Variants in CCDC117 observed in about 807,000 individuals in gnomAD.
CCDC117 encodes coiled-coil domain-containing protein 117.
A neutral mutation model predicts 23.5 loss-of-function variants in CCDC117; 1 was observed. That is an observed-to-expected ratio of 0.04 (90% CI 0.02 to 0.20). CCDC117 has a LOEUF of 0.20. Among genes scored for constraint, CCDC117 ranks in the 10% least tolerant of loss-of-function variants. The probability of loss-of-function intolerance (pLI) is 1.00; values close to 1 mark genes in which losing one functional copy is unlikely to be tolerated. For synonymous variants in CCDC117, 132 were observed against 124.8 expected (o/e 1.06, Z -0.39); for missense variants, 383 against 348.2 (o/e 1.10, Z -0.80).
intron 2 of CCDC117, among the ~76,000 whole-genome samples, chr22:28,774,978 T>C (rs1310783147): frequency 6.6e-6 from 1 of 152,024 alleles, no homozygotes; most frequent in East Asian, 1.9e-4. Flanking sequence ...AATAGTTGAG[T>C]GGAGGCCAGG....
intron 4 of CCDC117, among the ~76,000 whole-genome samples, chr22:28,784,506 CCAGT>C (rs892181266): frequency 1.3e-5 from 2 of 152,190 alleles, no homozygotes; most frequent in Non-Finnish European, 2.9e-5. Flanking sequence ...TCTTAGGACA[CCAGT>C]CAGTGAGGGC....
chr22:28,778,640 C>T (rs1433677908), intron 2 of CCDC117, among the ~76,000 whole-genome samples: 2 of 151,964 alleles, frequency 1.3e-5, no homozygotes, highest in Non-Finnish European at 2.9e-5. Flanking sequence ...TTATCTTTTG[C>T]GGTTCTCTCT....
Position 28,772,781 on chromosome 22 carries a change from G to A in CCDC117, c.-69G>A. 8.4e-7 allele frequency: 1 copy of A among 1,184,402 alleles called. No homozygotes were observed. The highest frequency in any genetic ancestry group is 1.1e-6 in the Non-Finnish European group (1 of 949,974). 73.4% of individuals were successfully genotyped at this position (1,184,402 alleles called of 1,614,324 possible). ...CTGGCGGGTTTTGGCAGTAGCTGTG[G>A]CTGCGGCTGCCGGGCCTGGGGACGC... On this transcript the variant is annotated 5_prime_UTR_variant, in exon 1 of 5. Coordinates refer to ENST00000249064, the MANE Select transcript of CCDC117 (RefSeq NM_173510.4).
Position 28,786,254 on chromosome 22 carries a change from T to G in CCDC117, c.768T>G (p.Pro256=). ...AGAGAACTGAACTGTTTTCGGAACCTCGGCCAACAGGGATGTCTCTTTATA... is the reference window on the plus strand; with the variant it reads ...AGAGAACTGAACTGTTTTCGGAACCGCGGCCAACAGGGATGTCTCTTTATA... The part of the protein sequence containing the change: ...FPQRTELFSE[P]RPTGMSLYNS... The change falls in exon 5 of 5, where the codon CCT becomes CCG. Residue 256 remains proline (P), a synonymous_variant. Transcript: ENST00000249064. 6.2e-7 allele frequency: 1 copy of G among 1,614,126 alleles called. No individual in the cohort carries two copies. Among genetic ancestry groups the G allele is most frequent in the African/African-American group, 1.3e-5 (1 of 75,024 alleles).
Position 28,772,940 on chromosome 22 carries a change from G to A in CCDC117, c.91G>A (p.Ala31Thr). The change falls in exon 1 of 5, where the codon GCC (alanine) becomes ACC (threonine). Residue 31 changes from alanine to threonine, a missense_variant. Physicochemically the swap from Ala to Thr is moderately conservative, Grantham distance 58. Coordinates refer to ENST00000249064, the MANE Select transcript of CCDC117 (RefSeq NM_173510.4). ...GCCGCAGCCGGCCTTCCCCGGCCGG[G>A]CCTTCCCGCCGGGGGCTGACGGCGC... ...QPPQPAFPGR[A>T]FPPGADGAEL... is the part of the protein sequence containing the mutation. 3.3e-6 allele frequency: 4 copies of A among 1,219,346 alleles called. No homozygotes were observed. The highest frequency in any genetic ancestry group is 3.1e-6 in the Non-Finnish European group (3 of 979,756). The allele number at this position is 1,219,346 out of a possible 1,614,324, so 75.5% of individuals were successfully genotyped here. A position where few individuals can be genotyped will look rare whatever the true frequency, so the allele number is the denominator to read the frequency against.
At position 28,788,410 on chromosome 22, in the gene CCDC117, C is replaced by A. The variant is rs2031579831; in HGVS notation, c.*2084C>A. 6.6e-6 allele frequency: 1 copy of A among 152,428 alleles called. No homozygotes were observed. The highest frequency in any genetic ancestry group is 1.5e-5 in the Non-Finnish European group (1 of 68,022). The allele number at this position is 152,428 out of a possible 1,614,324, so 9.4% of individuals were successfully genotyped here. ...AGATGACAGCTTTCCAAAGAAGGACCTAAAACACACCAAGATTGTCTTCTA... is the reference window on the plus strand; with the variant it reads ...AGATGACAGCTTTCCAAAGAAGGACATAAAACACACCAAGATTGTCTTCTA... On this transcript the variant is annotated 3_prime_UTR_variant, in exon 5 of 5. Transcript: ENST00000249064.
rs1483540263 is a variant in CCDC117, at chr22:28,781,559, G to T, written c.464+387G>T. ...GTAGAGACGGGGTTTCACCGTTTTA[G>T]CCGGGATGGTCTCGATCTCTTGACC... On this transcript the variant is annotated intron_variant, in intron 3 of 4. Transcript: ENST00000249064. 3.4e-5 allele frequency among the ~76,000 whole-genome samples: 2 copies of T among 58,094 alleles called. 1 individual carries two copies. The highest frequency in any genetic ancestry group is 5.8e-5 in the Non-Finnish European group (2 of 34,752). 38.1% of individuals were successfully genotyped at this position (58,094 alleles called of 152,430 possible).
intron 4 of CCDC117, among the ~76,000 whole-genome samples, chr22:28,784,260 G>A (rs1330143926): frequency 3.3e-5 from 5 of 152,186 alleles, no homozygotes; most frequent in African/African-American, 1.2e-4. Context: ...ACTACACTGT[G>A]AGGACAAGAG....
At chr22:28,782,589 C>G (rs901480950) in intron 3 of CCDC117, among the ~76,000 whole-genome samples, 1 of 152,090 alleles carries the variant, frequency 6.6e-6, no homozygotes, top group African/African-American at 2.4e-5. Flanking sequence ...CAGGTGCCTG[C>G]CATCACACCT....
chr22:28,773,721 A>G lies in CCDC117; in HGVS notation c.186-4A>G, dbSNP rs200767406. ...AATTGACTGATTTTTGTTTGTTTCA[A>G]CAGTGTTTCTGTTCACTGTAAAAAG... On this transcript the variant is annotated splice_polypyrimidine_tract_variant and splice_region_variant and intron_variant, in intron 1 of 4. Transcript: ENST00000249064. The G allele has an allele frequency of 3.3e-5, 54 of 1,612,614 alleles. No homozygotes were observed. In the African/African-American group the frequency reaches 6.8e-4, roughly 20 times the overall value.
In CCDC117 at chr22:28,789,170, T is replaced by C. The variant is rs1314697182; in HGVS notation, c.*2844T>C. 6.6e-6 allele frequency: 1 copy of C among 152,210 alleles called. No homozygotes were observed. The highest frequency in any genetic ancestry group is 1.5e-5 in the Non-Finnish European group (1 of 68,044). 9.4% of individuals were successfully genotyped at this position (152,210 alleles called of 1,614,324 possible). ...TGGATTTGGAACTTGGCTTTGTTTT[T>C]CAATAGTGACAAGAATGGTTCAGTT... On this transcript the variant is annotated 3_prime_UTR_variant, in exon 5 of 5. Transcript: ENST00000249064.
rs948813337 is a variant in CCDC117 at position 28,783,446 on chromosome 22, C to G, written c.465-62C>G. On this transcript the variant is annotated intron_variant, in intron 3 of 4. Transcript: ENST00000249064. ...TTATTTTTAAAATTTTGTCCAAATACTAGAATATATAATAGCTTGACTAAA... is the reference window on the plus strand; with the variant it reads ...TTATTTTTAAAATTTTGTCCAAATAGTAGAATATATAATAGCTTGACTAAA... 5.4e-5 allele frequency: 82 copies of G among 1,515,408 alleles called. No homozygotes were observed. In the Admixed American group the frequency reaches 6.5e-4, roughly 12 times the overall value. 93.9% of individuals were successfully genotyped at this position (1,515,408 alleles called of 1,614,324 possible). A position where few individuals can be genotyped will look rare whatever the true frequency, so the allele number is the denominator to read the frequency against.
At chr22:28,774,069 TG>T (rs770274641) in intron 2 of CCDC117, among the ~76,000 whole-genome samples, 1 of 132,184 alleles carries the variant, frequency 7.6e-6, no homozygotes, top group African/African-American at 3.2e-5. Flanking sequence ...GTTTTGTTTT[TG>T]TTTTTTTTTT....
At chr22:28,773,645 T>A (rs1438169580) in intron 1 of CCDC117, 80 bp from the exon 2 acceptor site, 2 of 1,178,144 alleles carry the variant, frequency 1.7e-6, no homozygotes, top group Admixed American at 1.8e-5. Flanking sequence ...TGAGCAAGAT[T>A]ATTGGAGCAA....
At chr22:28,781,729 C>T (rs1048193702) in intron 3 of CCDC117, among the ~76,000 whole-genome samples, 2 of 151,928 alleles carry the variant, frequency 1.3e-5, no homozygotes, top group Non-Finnish European at 2.9e-5. Flanking sequence ...ATGCAACCTC[C>T]ACCTCCCGGG....
Position 28,786,489 on chromosome 22 carries a change from T to G in CCDC117, c.*163T>G. On this transcript the variant is annotated 3_prime_UTR_variant, in exon 5 of 5. Transcript: ENST00000249064. ...ACTCTTATTTTGGGTAGCCATTTAT[T>G]GACTTCACCTTTTTGCCAAGGACGT... The G allele has an allele frequency of 1.7e-6, 1 of 574,208 alleles. No homozygotes were observed. The highest frequency in any genetic ancestry group is 3.0e-6 in the Non-Finnish European group (1 of 328,864). The allele number at this position is 574,208 out of a possible 1,614,324, so 35.6% of individuals were successfully genotyped here. A position where few individuals can be genotyped will look rare whatever the true frequency, so the allele number is the denominator to read the frequency against.
intron 2 of CCDC117, 114 bp downstream of exon 2, chr22:28,773,892 GAC>G (rs1298287046): frequency 9.7e-6 from 8 of 822,262 alleles, no homozygotes; most frequent in African/African-American, 6.8e-5. Context: ...TCTGGAAAGA[GAC>G]ACAGAAATTA....
chr22:28,785,059 C>T (rs974508957), intron 4 of CCDC117, among the ~76,000 whole-genome samples: 3 of 151,140 alleles, frequency 2.0e-5, no homozygotes, highest in African/African-American at 4.9e-5. Flanking sequence ...CGTGAGCCAC[C>T]GCGCCCAGCC....
chr22:28,773,087 T>TG (rs2031043233), intron 1 of CCDC117, 53 bp downstream of exon 1: 1 of 930,464 alleles, frequency 1.1e-6, no homozygotes, highest in Non-Finnish European at 1.3e-6. Context: ...GCGGGCAGGC[T>TG]GGGCGCCCCT....
Sources: gnomAD v4.1 joint callset for allele counts (sites outside exome capture counted in the v4.1 genomes callset) on GRCh38, gnomAD v4.1.1 for gene constraint, MANE v1.5 for transcripts, NCBI Gene and HGNC (gene_info 2026-07-23, HGNC 2026-07-21) for gene names.